Variants in CCDC116 observed in about 807,000 individuals in gnomAD.
The protein encoded by CCDC116 is coiled-coil domain-containing protein 116.
CCDC116 carries 24 observed loss-of-function variants against 29.4 expected under a neutral mutation model. The observed-to-expected ratio is 0.82, with a 90% CI of 0.59 to 1.15. CCDC116 has a LOEUF of 1.15. Ranked by LOEUF, CCDC116 falls within the 50% of genes most tolerant of loss-of-function variation. The pLI is 0.00. For missense variants in CCDC116, 791 were observed against 804.0 expected (o/e 0.98, Z 0.20); for synonymous variants, 298 against 331.4 (o/e 0.90, Z 1.10).
rs1218988789 is a variant in CCDC116 at position 21,634,852 on chromosome 22, G to A, written c.789G>A (p.Gln263=). 3.7e-6 allele frequency: 6 copies of A among 1,613,884 alleles called. No homozygotes were observed. The African/African-American group carries it at 6.7e-5, about 18-fold the overall frequency. Residue 263 remains glutamine, a synonymous_variant, in exon 4 of 5, where the codon CAG becomes CAA. Transcript: ENST00000292779. ...CATCAGAGCCGAGGCCTGGAGAACA[G>A]GAGCCAATCTTCCGCAAGCGAGAGT... ...PEASEPRPGE[Q]EPIFRKREFN... is the part of the protein sequence containing the mutation.
chr22:21,635,884 A>G, intron 4 of CCDC116: 1 of 479,776 alleles, frequency 2.1e-6, no homozygotes, highest in African/African-American at 2.0e-5. Flanking sequence ...ACAGCAGCCC[A>G]AGCCCAGCCG....
In CCDC116 at chr22:21,633,299, TC is replaced by T. The variant is rs1485268785; in HGVS notation, c.72+50del. 4.1e-6 allele frequency: 6 copies of T among 1,455,696 alleles called. No homozygotes were observed. The Admixed American group carries it at 8.2e-5, about 20-fold the overall frequency. 90.2% of individuals were successfully genotyped at this position (1,455,696 alleles called of 1,614,324 possible). On this transcript the variant is annotated intron_variant, in intron 2 of 4. Transcript: ENST00000292779. ...GCCGACCCTTGAGGCCACAACATGTTCCCCACCAACCCTGGCACCCAAGACC... is the reference window on the plus strand; with the variant it reads ...GCCGACCCTTGAGGCCACAACATGTTCCCACCAACCCTGGCACCCAAGACC...
intron 4 of CCDC116, chr22:21,635,703 C>A: frequency 4.7e-6 from 3 of 635,494 alleles, no homozygotes; most frequent in South Asian, 1.8e-5. Context: ...ACTGTGGAAA[C>A]CTCCTGGGCA....
chr22:21,634,342 C>T lies in CCDC116; in HGVS notation c.393C>T (p.Ser131=), dbSNP rs139761044. The stretch of plus-strand genomic sequence containing the variant: ...GGGCACATGCCCGGCCCAGCCTCAG[C>T]ACCGTACACCGGCACCGTGTACGGC... ...GRRAHARPSL[S]TVHRHRVRPT... is the part of the protein sequence containing the mutation. The change falls in exon 3 of 5, where the codon AGC becomes AGT. Residue 131 remains serine (S), a synonymous_variant. Transcript: ENST00000292779. The T allele has an allele frequency of 1.9e-6, 3 of 1,612,202 alleles. No homozygotes were observed. The highest frequency in any genetic ancestry group is 2.5e-6 in the Non-Finnish European group (3 of 1,179,366).
In CCDC116 at chr22:21,633,115, C is replaced by A; in HGVS notation, c.-62-5C>A. ...ACCCTCAGGTTGTCTCCCCACCCCA[C>A]GCAGAGAGGAATGCGCAGCTGAAGA... On this transcript the variant is annotated splice_polypyrimidine_tract_variant and splice_region_variant and intron_variant, in intron 1 of 4. Coordinates refer to ENST00000292779, the MANE Select transcript of CCDC116 (RefSeq NM_152612.3). 7.5e-7 allele frequency: 1 copy of A among 1,336,914 alleles called. No individual in the cohort carries two copies. The highest frequency in any genetic ancestry group is 1.1e-6 in the Non-Finnish European group (1 of 951,958). 82.8% of individuals were successfully genotyped at this position (1,336,914 alleles called of 1,614,324 possible).
At chr22:21,635,384 G>A (rs1199097157) in intron 4 of CCDC116, 118 bp downstream of exon 4, 2 of 953,096 alleles carry the variant, frequency 2.1e-6, no homozygotes, top group Non-Finnish European at 3.3e-6. Flanking sequence ...CAGCCAGAGG[G>A]CCCAGCCCTG....
At chr22:21,632,923 G>T in intron 1 of CCDC116, 96 bp downstream of exon 1, 1 of 642,680 alleles carries the variant, frequency 1.6e-6, no homozygotes. Flanking sequence ...GATGATCGGA[G>T]ACAGGATTGT....
chr22:21,635,385 C>T (rs1015444248), intron 4 of CCDC116, 119 bp downstream of exon 4: 1 of 950,226 alleles, frequency 1.1e-6, no homozygotes, highest in Non-Finnish European at 1.6e-6. Context: ...AGCCAGAGGG[C>T]CCAGCCCTGG....
intron 4 of CCDC116, among the ~76,000 whole-genome samples, chr22:21,636,124 G>C (rs1469133924): frequency 6.6e-6 from 1 of 152,232 alleles, no homozygotes; most frequent in Admixed American, 6.5e-5. Context: ...AAACCCAGTT[G>C]TCAAGGCTCA....
rs762988794 is a variant in CCDC116, at chr22:21,634,132, C to T, written c.183C>T (p.Arg61=). The stretch of plus-strand genomic sequence containing the variant: ...GCAGCTCAGCACTCCAGGGCCAACG[C>T]CGAAACAAGAGGCACCCTCAGCCCT... ...TCGSSALQGQ[R]RNKRHPQPFG... Residue 61 remains arginine, a synonymous_variant, in exon 3 of 5, where the codon CGC becomes CGT. Transcript: ENST00000292779. 18 of 1,614,274 alleles carry T rather than the reference C, an allele frequency of 1.1e-5. No homozygotes were observed. Among genetic ancestry groups the T allele is most frequent in the Non-Finnish European group, 1.4e-5 (17 of 1,180,046 alleles).
rs145562138 is a variant in CCDC116, at chr22:21,635,009, G to A, written c.946G>A (p.Val316Met). 40 of 1,611,000 alleles carry A rather than the reference G, an allele frequency of 2.5e-5. No homozygotes were observed. In the East Asian group the frequency reaches 2.7e-4, roughly 11 times the overall value. Reference protein sequence around the residue: ...DHRLFPALQSVVSQAVDKLRG... With the variant: ...DHRLFPALQSMVSQAVDKLRG... ...CCGCCTCTTCCCTGCCCTGCAAAGC[G>A]TGGTCAGCCAGGCTGTGGATAAGCT... Residue 316 changes from valine to methionine, a missense_variant, in exon 4 of 5, where the codon GTG (valine) becomes ATG (methionine). Transcript: ENST00000292779.
rs778843036 is a variant in CCDC116, at chr22:21,634,521, T to A, written c.572T>A (p.Leu191His). The A allele has an allele frequency of 6.2e-6, 10 of 1,611,646 alleles. No individual in the cohort carries two copies. The highest frequency in any genetic ancestry group is 8.5e-6 in the Non-Finnish European group (10 of 1,178,150). The part of the protein sequence containing the change: ...QGSLPPVRDK[L>H]LLEKNLKRLL... Reference sequence around the variant, plus strand: ...TCATTGCCACCTGTGAGGGACAAACTCCTGCTGGAGAAGAACCTCAAGCGG... The same window carrying A: ...TCATTGCCACCTGTGAGGGACAAACACCTGCTGGAGAAGAACCTCAAGCGG... Residue 191 changes from leucine to histidine, a missense_variant, in exon 3 of 5, where the codon CTC becomes CAC. Physicochemically the swap from Leu to His is moderately conservative, Grantham distance 99. Coordinates refer to ENST00000292779, the MANE Select transcript of CCDC116 (RefSeq NM_152612.3).
chr22:21,637,076 C>T lies in CCDC116; in HGVS notation c.*6C>T. 3 of 1,599,882 alleles carry T rather than the reference C, an allele frequency of 1.9e-6. No individual in the cohort carries two copies. Among genetic ancestry groups the T allele is most frequent in the Non-Finnish European group, 2.6e-6 (3 of 1,171,966 alleles). Reference sequence around the variant, plus strand: ...AGGATGAGGATGGAGTCTAGAGCCTCCCAGAGCCTGGAGAGGAGGCCTCGG... The same window carrying T: ...AGGATGAGGATGGAGTCTAGAGCCTTCCAGAGCCTGGAGAGGAGGCCTCGG... On this transcript the variant is annotated 3_prime_UTR_variant, in exon 5 of 5. Transcript: ENST00000292779.
intron 1 of CCDC116, 42 bp from the exon 2 acceptor site, chr22:21,633,078 G>A: frequency 1.1e-6 from 1 of 886,018 alleles, no homozygotes; most frequent in Non-Finnish European, 1.9e-6. Context: ...CAGATGCGTG[G>A]ACCTATTGGA....
At position 21,636,831 on chromosome 22, in the gene CCDC116, G is replaced by A. The variant is rs11705317; in HGVS notation, c.1603G>A (p.Ala535Thr). ...GCAGCAGGAACCAGCCACCCACACT[G>A]CCCAGGACCAGGCCACAGAGCCCTG... ...SVQQEPATHTAQDQATEPCRS... is the reference protein window; with the variant it reads ...SVQQEPATHTTQDQATEPCRS... The change falls in exon 5 of 5, where the codon GCC (alanine) becomes ACC (threonine). Residue 535 changes from alanine to threonine, a missense_variant. Coordinates refer to ENST00000292779, the MANE Select transcript of CCDC116 (RefSeq NM_152612.3). The A allele has an allele frequency of 0.031, 49,435 of 1,613,196 alleles. 1,598 individuals carry two copies. Among genetic ancestry groups the A allele is most frequent in the East Asian group, 0.13 (5,990 of 44,852 alleles).
In CCDC116 at chr22:21,635,243, G is replaced by A; in HGVS notation, c.1180G>A (p.Val394Met). Residue 394 changes from valine (V) to methionine (M), a missense_variant, in exon 4 of 5, where the codon GTG becomes ATG. Physicochemically the swap from Val to Met is conservative, Grantham distance 21. Transcript: ENST00000292779. Reference sequence around the variant, plus strand: ...CTCCCCCTCCATGTCTAGTGCCCAGGTGGCCACCAGATTCAAACTCAAGGT... The same window carrying A: ...CTCCCCCTCCATGTCTAGTGCCCAGATGGCCACCAGATTCAAACTCAAGGT... Reference protein sequence around the residue: ...GGSPSMSSAQVATRFKLKSPC... With the variant: ...GGSPSMSSAQMATRFKLKSPC... 2 of 1,599,324 alleles carry A rather than the reference G, an allele frequency of 1.3e-6. No individual in the cohort carries two copies. The highest frequency in any genetic ancestry group is 8.5e-7 in the Non-Finnish European group (1 of 1,179,892).
rs144221624 is a variant in CCDC116 at position 21,636,537 on chromosome 22, G to A, written c.1309G>A (p.Asp437Asn). 549 of 1,613,920 alleles carry A rather than the reference G, an allele frequency of 3.4e-4. 4 individuals are homozygous for A. The highest frequency in any genetic ancestry group is 1.1e-4 in the Non-Finnish European group (126 of 1,180,016). ...FSNRLYEELA[D>N]FLTQQAASLV... is the part of the protein sequence containing the mutation. The stretch of plus-strand genomic sequence containing the variant: ...CAACCGCCTTTATGAGGAGCTCGCC[G>A]ACTTCCTGACCCAGCAGGCAGCCTC... The change falls in exon 5 of 5, where the codon GAC becomes AAC. Residue 437 changes from aspartate (D) to asparagine (N), a missense_variant. Physicochemically the swap from Asp to Asn is conservative, Grantham distance 23. Transcript: ENST00000292779.
intron 4 of CCDC116, 58 bp from the exon 5 acceptor site, chr22:21,636,374 G>A (rs1389902405): frequency 6.6e-6 from 10 of 1,522,906 alleles, no homozygotes; most frequent in Non-Finnish European, 8.9e-6. Context: ...GGGTGTCACA[G>A]AGGGATGGGG....
In CCDC116 at chr22:21,634,118, C is replaced by T; in HGVS notation, c.169C>T (p.Leu57Phe). 6.2e-7 allele frequency: 1 copy of T among 1,614,276 alleles called. No individual in the cohort carries two copies. The highest frequency in any genetic ancestry group is 8.5e-7 in the Non-Finnish European group (1 of 1,180,048). ...ACCATCCACATGTGGCAGCTCAGCA[C>T]TCCAGGGCCAACGCCGAAACAAGAG... ...HPPSTCGSSALQGQRRNKRHP... is the reference protein window; with the variant it reads ...HPPSTCGSSAFQGQRRNKRHP... Residue 57 changes from leucine to phenylalanine, a missense_variant, in exon 3 of 5, where the codon CTC becomes TTC. Physicochemically the swap from Leu to Phe is conservative, Grantham distance 22. Coordinates refer to ENST00000292779, the MANE Select transcript of CCDC116 (RefSeq NM_152612.3).
Sources: allele counts gnomAD v4.1 joint callset (sites outside exome capture counted in the v4.1 genomes callset), GRCh38; gene constraint gnomAD v4.1.1; transcripts MANE v1.5; gene names NCBI Gene and HGNC (gene_info 2026-07-23, HGNC 2026-07-21).